SAMMSON: variants seen among roughly 807,000 people sequenced by gnomAD.
SAMMSON encodes long intergenic non-protein coding RNA 1212.
At chr3:70,132,102 T>G (rs1467764366) in intron 4 of SAMMSON, among the ~76,000 whole-genome samples, 1 of 152,106 alleles carries the variant, frequency 6.6e-6, no homozygotes, top group Non-Finnish European at 1.5e-5. Flanking sequence ...CCTCCCTCAC[T>G]AAACACCGTT....
chr3:70,419,644 T>C (rs1413100307), intron 2 of SAMMSON, among the ~76,000 whole-genome samples: 3 of 148,614 alleles, frequency 2.0e-5, no homozygotes, highest in Non-Finnish European at 4.4e-5. Flanking sequence ...CTGAAAATGG[T>C]TTGTTTGTTT....
intron 6 of SAMMSON, chr3:70,272,457 G>T (rs1039263745): frequency 6.6e-5 from 10 of 152,196 alleles, no homozygotes; most frequent in African/African-American, 2.4e-4. Context: ...CAATGCTGGG[G>T]CATAATCCAT....
At chr3:70,055,638 C>A (rs1162230968) in intron 3 of SAMMSON, among the ~76,000 whole-genome samples, 1 of 152,048 alleles carries the variant, frequency 6.6e-6, no homozygotes, top group Non-Finnish European at 1.5e-5. Context: ...AGAGGCTTTC[C>A]GTTGAACTTA....
At chr3:70,143,300 A>T (rs904275875) in intron 4 of SAMMSON, among the ~76,000 whole-genome samples, 2 of 70,374 alleles carry the variant, frequency 2.8e-5, no homozygotes, top group African/African-American at 1.1e-4. Flanking sequence ...AATTTTAGTA[A>T]AAAAAAAAAA....
chr3:70,183,069 T>C (rs537351764), intron 4 of SAMMSON, among the ~76,000 whole-genome samples: 1 of 152,308 alleles, frequency 6.6e-6, no homozygotes, highest in South Asian at 2.1e-4. Flanking sequence ...ATAATAACTA[T>C]TCTTTGTTGA....
chr3:70,098,431 A>G (rs899257678), intron 4 of SAMMSON, among the ~76,000 whole-genome samples: 4 of 151,796 alleles, frequency 2.6e-5, no homozygotes, highest in East Asian at 1.9e-4. Context: ...GCAGTAGCAC[A>G]GTCTCGGCTC....
At chr3:70,421,559 G>A (rs1161809949) in intron 2 of SAMMSON, among the ~76,000 whole-genome samples, 1 of 152,002 alleles carries the variant, frequency 6.6e-6, no homozygotes, top group Non-Finnish European at 1.5e-5. Flanking sequence ...ATCGAGCTGT[G>A]GGGCAGAAAA....
chr3:70,107,358 A>C (rs1360491628), intron 4 of SAMMSON, among the ~76,000 whole-genome samples: 2 of 152,096 alleles, frequency 1.3e-5, no homozygotes, highest in African/African-American at 4.8e-5. Flanking sequence ...AGGTTTGAGA[A>C]AATATATGAA....
At chr3:70,403,519 A>G (rs1383147595) in intron 2 of SAMMSON, among the ~76,000 whole-genome samples, 1 of 152,190 alleles carries the variant, frequency 6.6e-6, no homozygotes, top group Admixed American at 6.5e-5. Flanking sequence ...TTGGCAAACT[A>G]TGACTCGCAG....
chr3:70,005,384 CAAG>C lies in SAMMSON; in HGVS notation n.22+5522_22+5524del, dbSNP rs1255141686. On this transcript the variant is annotated intron_variant and non_coding_transcript_variant, in intron 1 of 9. Transcript: ENST00000642114. ...ATGGGGTGGGCTGGGCTGGGAGCTA[CAAG>C]AAGATGCTACTTACTTGTCCCACAT... is the stretch of plus-strand genomic sequence containing the variant. Among the ~76,000 whole-genome samples, 6 of 152,218 alleles carry C rather than the reference CAAG, an allele frequency of 3.9e-5. No individual in the cohort carries two copies. The South Asian group carries it at 1.2e-3, about 32-fold the overall frequency.
intron 3 of SAMMSON, among the ~76,000 whole-genome samples, chr3:70,041,415 C>T (rs1358138652): frequency 6.6e-6 from 1 of 152,024 alleles, no homozygotes. Flanking sequence ...ATTTGCCTTT[C>T]AAGGGAAATT....
intron 4 of SAMMSON, among the ~76,000 whole-genome samples, chr3:70,215,962 TC>T (rs1261762477): frequency 1.3e-5 from 2 of 152,084 alleles, no homozygotes; most frequent in Non-Finnish European, 2.9e-5. Flanking sequence ...GTAAAACACA[TC>T]TTGGTATTTT....
At position 70,192,533 on chromosome 3, in the gene SAMMSON, A is replaced by G. The variant is rs367767221; in HGVS notation, n.508-56574A>G. On this transcript the variant is annotated intron_variant and non_coding_transcript_variant, in intron 4 of 9. Coordinates refer to ENST00000642114, the Ensembl canonical transcript of SAMMSON. Reference sequence around the variant, plus strand: ...ACACCACATTGTAAATTGTGGCCCAATGAATGTCCTGGCCTCCCACCAAAA... The same window carrying G: ...ACACCACATTGTAAATTGTGGCCCAGTGAATGTCCTGGCCTCCCACCAAAA... 4.6e-5 allele frequency among the ~76,000 whole-genome samples: 7 copies of G among 152,166 alleles called. No homozygotes were observed. The South Asian group carries it at 6.2e-4, about 14-fold the overall frequency.
At chr3:70,344,592 C>A (rs1702735808) in intron 7 of SAMMSON, among the ~76,000 whole-genome samples, 2 of 152,240 alleles carry the variant, frequency 1.3e-5, no homozygotes, top group African/African-American at 4.8e-5. Context: ...TATCTGCAGA[C>A]AACAAGGCTA....
chr3:70,038,130 T>C (rs2067093100), intron 3 of SAMMSON, among the ~76,000 whole-genome samples: 1 of 152,108 alleles, frequency 6.6e-6, no homozygotes, highest in South Asian at 2.1e-4. Flanking sequence ...TTGGATATGG[T>C]TTGTCCCAAC....
chr3:70,239,068 T>C (rs2106640117), intron 4 of SAMMSON, among the ~76,000 whole-genome samples: 1 of 152,318 alleles, frequency 6.6e-6, no homozygotes, highest in Middle Eastern at 3.4e-3. Flanking sequence ...CTGAATCTTA[T>C]GCTAAAATGA....
At chr3:70,074,666 A>G (rs2067242082) in intron 4 of SAMMSON, among the ~76,000 whole-genome samples, 1 of 152,120 alleles carries the variant, frequency 6.6e-6, no homozygotes, top group Non-Finnish European at 1.5e-5. Context: ...ATCCCCATGT[A>G]CAAAAGGTGA....
intron 4 of SAMMSON, among the ~76,000 whole-genome samples, chr3:70,148,711 G>A (rs984576958): frequency 7.9e-5 from 12 of 151,976 alleles, no homozygotes; most frequent in South Asian, 4.1e-4. Context: ...GGACCTACTA[G>A]AGCAAGAACT....
intron 7 of SAMMSON, among the ~76,000 whole-genome samples, chr3:70,333,207 A>G (rs1005445883): frequency 1.5e-4 from 23 of 152,120 alleles, no homozygotes; most frequent in East Asian, 1.2e-3. Flanking sequence ...CCTGTTTCAC[A>G]CTTTGGAGGC....
Sources: gnomAD v4.1 joint callset for allele counts (sites outside exome capture counted in the v4.1 genomes callset) on GRCh38, gnomAD v4.1.1 for gene constraint, MANE v1.5 for transcripts, NCBI Gene and HGNC (gene_info 2026-07-23, HGNC 2026-07-21) for gene names.